Variants in INPP4B observed in about 807,000 individuals in gnomAD.
INPP4B encodes the protein inositol polyphosphate 4-phosphatase type II.
In INPP4B, 55 loss-of-function variants were observed where a neutral mutation model predicts 122.5. The ratio of observed to expected loss-of-function variants is 0.45; its 90% CI spans 0.36 to 0.56. The LOEUF is 0.56. INPP4B is among the 20% of genes least tolerant of loss of function. The pLI is 0.00. For synonymous variants in INPP4B, 403 were observed against 388.7 expected (o/e 1.04, Z -0.43); for missense variants, 1,000 against 1,097.7 (o/e 0.91, Z 1.26).
intron 2 of INPP4B, among the ~76,000 whole-genome samples, chr4:142,681,222 C>T (rs1722972309): frequency 1.3e-5 from 2 of 151,808 alleles, no homozygotes; most frequent in Non-Finnish European, 2.9e-5. Flanking sequence ...AAGGCACACA[C>T]TTATGTTACC....
chr4:142,163,764 A>T (rs1821299350), intron 16 of INPP4B, among the ~76,000 whole-genome samples: 1 of 151,788 alleles, frequency 6.6e-6, no homozygotes, highest in Admixed American at 6.6e-5. Flanking sequence ...ATAAGGGGGA[A>T]CTATTGTATT....
intron 2 of INPP4B, among the ~76,000 whole-genome samples, chr4:142,705,499 A>ACACACACACACACAC (rs1762371245): frequency 6.8e-6 from 1 of 147,972 alleles, no homozygotes; most frequent in African/African-American, 2.5e-5. Context: ...ACACACACAC[A>ACACACACACACACAC]AAGTCAATCA....
At chr4:142,835,486 G>A (rs1782669823) in intron 1 of INPP4B, among the ~76,000 whole-genome samples, 1 of 152,074 alleles carries the variant, frequency 6.6e-6, no homozygotes, top group Non-Finnish European at 1.5e-5. Context: ...AAAAAATTCT[G>A]GACTATTTTC....
chr4:142,505,794 A>G (rs538834995), intron 2 of INPP4B, among the ~76,000 whole-genome samples: 1 of 152,288 alleles, frequency 6.6e-6, no homozygotes, highest in South Asian at 2.1e-4. Flanking sequence ...GGTATCCAAG[A>G]AAGTTAAAAT....
At chr4:142,056,514 T>C (rs983892065) in intron 25 of INPP4B, among the ~76,000 whole-genome samples, 1 of 152,072 alleles carries the variant, frequency 6.6e-6, no homozygotes, top group Admixed American at 6.6e-5. Context: ...CAAGGTGTTG[T>C]GGTACCTGGA....
chr4:142,089,482 G>C (rs336315), intron 23 of INPP4B, among the ~76,000 whole-genome samples: 54,775 of 112,818 alleles, frequency 0.49, 12,134 homozygotes, highest in Non-Finnish European at 0.6. Context: ...CACACACACA[G>C]AGAGAGAGAG....
At chr4:142,296,002 T>G (rs1758533282) in intron 9 of INPP4B, among the ~76,000 whole-genome samples, 1 of 152,200 alleles carries the variant, frequency 6.6e-6, no homozygotes, top group Non-Finnish European at 1.5e-5. Context: ...CAAATTATCT[T>G]CAAAGCTAAA....
At chr4:142,709,765 CT>C (rs1762891559) in intron 2 of INPP4B, among the ~76,000 whole-genome samples, 1 of 152,166 alleles carries the variant, frequency 6.6e-6, no homozygotes, top group South Asian at 2.1e-4. Context: ...AATACACTTT[CT>C]TTTCAACTTA....
At chr4:142,644,424 T>C (rs1209192327) in intron 2 of INPP4B, among the ~76,000 whole-genome samples, 2 of 152,014 alleles carry the variant, frequency 1.3e-5, no homozygotes, top group Non-Finnish European at 2.9e-5. Flanking sequence ...AAAAGAGATA[T>C]GAAATTATAT....
intron 2 of INPP4B, among the ~76,000 whole-genome samples, chr4:142,655,559 C>T (rs1214622911): frequency 6.6e-6 from 1 of 152,074 alleles, no homozygotes; most frequent in Non-Finnish European, 1.5e-5. Flanking sequence ...TTTTTAAAAA[C>T]CCTGCACCTT....
intron 14 of INPP4B, among the ~76,000 whole-genome samples, chr4:142,195,093 G>T (rs1837582062): frequency 6.6e-6 from 1 of 152,166 alleles, no homozygotes; most frequent in South Asian, 2.1e-4. Flanking sequence ...TATACAGAAT[G>T]ACTAAAAATA....
intron 5 of INPP4B, chr4:142,423,655 A>G (rs1251206843): frequency 3.8e-6 from 1 of 263,610 alleles, no homozygotes; most frequent in Non-Finnish European, 7.5e-6. Flanking sequence ...GAAAAAACTG[A>G]ATTTTAATCA....
intron 9 of INPP4B, among the ~76,000 whole-genome samples, chr4:142,296,984 TCAC>T: frequency 8.9e-5 from 1 of 11,218 alleles, no homozygotes; most frequent in Non-Finnish European, 5.3e-4. Context: ...CCAAGAAATG[TCAC>T]TTGAAGTTAC....
At chr4:142,761,121 A>G (rs1771272062) in intron 1 of INPP4B, among the ~76,000 whole-genome samples, 1 of 152,068 alleles carries the variant, frequency 6.6e-6, no homozygotes, top group African/African-American at 2.4e-5. Flanking sequence ...AGAACACAAT[A>G]TGGACCTAAT....
At chr4:142,575,935 G>C (rs997225814) in intron 2 of INPP4B, among the ~76,000 whole-genome samples, 1 of 151,926 alleles carries the variant, frequency 6.6e-6, no homozygotes, top group African/African-American at 2.4e-5. Flanking sequence ...TATTGTCTGT[G>C]CTCAGGTTAC....
At position 142,493,809 on chromosome 4, in the gene INPP4B, G is replaced by T. The variant is rs192807510; in HGVS notation, c.-190-31083C>A. Among the ~76,000 whole-genome samples the T allele has an allele frequency of 1.3e-4, 20 of 152,222 alleles. No individual in the cohort carries two copies. The East Asian group carries it at 3.5e-3, about 27-fold the overall frequency. On this transcript the variant is annotated intron_variant, in intron 2 of 25. Transcript: ENST00000262992. ...GAGCTAAGACTTTGGGGGACTGTTG[G>T]TAAGTCATGATTGTGTTTTGAAATG...
At chr4:142,182,121 C>G (rs1004126840) in intron 15 of INPP4B, among the ~76,000 whole-genome samples, 2 of 152,096 alleles carry the variant, frequency 1.3e-5, no homozygotes, top group African/African-American at 4.8e-5. Flanking sequence ...AGACTAAGGA[C>G]AGAAGTCTAA....
intron 25 of INPP4B, among the ~76,000 whole-genome samples, chr4:142,070,197 A>G (rs1025995516): frequency 2.0e-5 from 3 of 152,190 alleles, no homozygotes; most frequent in Non-Finnish European, 4.4e-5. Flanking sequence ...CAAATTAATA[A>G]ATGTAATCCA....
chr4:142,800,877 A>G (rs1449339250), intron 1 of INPP4B, among the ~76,000 whole-genome samples: 1 of 152,214 alleles, frequency 6.6e-6, no homozygotes, highest in Non-Finnish European at 1.5e-5. Flanking sequence ...AACAGAAGAC[A>G]GCACATTATT....
Sources: gnomAD v4.1 joint callset for allele counts (sites outside exome capture counted in the v4.1 genomes callset) on GRCh38, gnomAD v4.1.1 for gene constraint, MANE v1.5 for transcripts, NCBI Gene and HGNC (gene_info 2026-07-23, HGNC 2026-07-21) for gene names.